VPS16: variants seen among roughly 807,000 people sequenced by gnomAD.
VPS16 encodes the protein VPS16 core subunit of CORVET and HOPS complexes.
VPS16 carries 82 observed loss-of-function variants against 116.0 expected under a neutral mutation model. The observed-to-expected ratio is 0.71, with a 90% CI of 0.59 to 0.85. The LOEUF (loss-of-function observed/expected upper bound fraction) is 0.85, where lower values mean the gene tolerates loss of function less well. Ranked by LOEUF, VPS16 falls within the 40% of genes least tolerant of loss-of-function variation. The probability of loss-of-function intolerance (pLI) is 0.00; values close to 1 mark genes in which losing one functional copy is unlikely to be tolerated. For synonymous variants in VPS16, 406 were observed against 420.7 expected, an observed-to-expected ratio of 0.96 and a Z score of 0.43; for missense variants, 928 against 1,090.6, an observed-to-expected ratio of 0.85 and a Z score of 2.10.
Position 2,863,843 on chromosome 20 carries a change from G to A in VPS16, c.1477-106G>A. ...AAAGAGAGAAAGAAAGAAAGAAGAA[G>A]GAAGGGAGGGAGGAAGGGAACTGAA... is the stretch of plus-strand genomic sequence containing the variant. On this transcript the variant is annotated intron_variant, in intron 15 of 23. Coordinates refer to ENST00000380445, the MANE Select transcript of VPS16 (RefSeq NM_022575.4). The surrounding 1 kb of genome is among the most constrained non-coding windows in gnomAD (Gnocchi z 4.4). 2 of 1,307,058 alleles carry A rather than the reference G, an allele frequency of 1.5e-6. No homozygotes were observed. The highest frequency in any genetic ancestry group is 2.1e-6 in the Non-Finnish European group (2 of 957,484). 81.0% of individuals were successfully genotyped at this position (1,307,058 alleles called of 1,614,324 possible).
At chr20:2,854,960 A>ATTTTT (rs547295825) in intron 1 of VPS16, among the ~76,000 whole-genome samples, 4,115 of 109,996 alleles carry the variant, frequency 0.037, 494 homozygotes, top group African/African-American at 0.1. Context: ...ATGAGCAGTA[A>ATTTTT]TTTTTTTTTT....
intron 1 of VPS16, among the ~76,000 whole-genome samples, chr20:2,856,980 CTTTTT>C (rs3053469): frequency 8.1e-4 from 115 of 142,182 alleles, no homozygotes; most frequent in African/African-American, 2.6e-3. Flanking sequence ...TTTTCTTTTT[CTTTTT>C]TTTTTTTTTT....
chr20:2,863,366 A>T lies in VPS16; in HGVS notation c.1444A>T (p.Ser482Cys), dbSNP rs763320681. The stretch of plus-strand genomic sequence containing the variant: ...GCGCCTTCCTGAAGTACAGGGCGTC[A>T]GCAGGATCCTGGCCCACTGGGCCTG... ...YLRLPEVQGVSRILAHWACYK... is the reference protein window; with the variant it reads ...YLRLPEVQGVCRILAHWACYK... Residue 482 changes from serine (S) to cysteine (C), a missense_variant, in exon 15 of 24, where the codon AGC becomes TGC. Ser to Cys is a moderately radical substitution (Grantham distance 112). Transcript: ENST00000380445. This position sits in a 1 kb window ranked among gnomAD's most constrained non-coding sequence, Gnocchi z 4.4. The T allele has an allele frequency of 6.2e-7, 1 of 1,614,234 alleles. No homozygotes were observed. Among genetic ancestry groups the T allele is most frequent in the Non-Finnish European group, 8.5e-7 (1 of 1,180,028 alleles).
chr20:2,854,960 A>ATTTTTG (rs2089158340), intron 1 of VPS16, among the ~76,000 whole-genome samples: 1 of 110,126 alleles, frequency 9.1e-6, no homozygotes, highest in Non-Finnish European at 1.7e-5. Context: ...ATGAGCAGTA[A>ATTTTTG]TTTTTTTTTT....
At position 2,865,868 on chromosome 20, in the gene VPS16, G is replaced by A; in HGVS notation, c.2272-344G>A. On this transcript the variant is annotated intron_variant, in intron 22 of 23. Transcript: ENST00000380445. The surrounding 1 kb of genome is among the most constrained non-coding windows in gnomAD (Gnocchi z 5.2). ...TGTTTTCTGTGGTGGGTAGTTCAGA[G>A]GTGTATAGGGCAGGTTTGAGAATGT... 2.2e-6 allele frequency: 1 copy of A among 462,924 alleles called. No individual in the cohort carries two copies. Among genetic ancestry groups the A allele is most frequent in the Middle Eastern group, 6.1e-4 (1 of 1,632 alleles). 28.7% of individuals were successfully genotyped at this position (462,924 alleles called of 1,614,324 possible).
Position 2,864,879 on chromosome 20 carries a change from G to A in VPS16, c.1927-99G>A, listed in dbSNP as rs768846391. The A allele has an allele frequency of 9.5e-5, 145 of 1,532,602 alleles. No individual in the cohort carries two copies. The highest frequency in any genetic ancestry group is 1.2e-4 in the Non-Finnish European group (137 of 1,112,546). The allele number at this position is 1,532,602 out of a possible 1,614,324, so 94.9% of individuals were successfully genotyped here. On this transcript the variant is annotated intron_variant, in intron 19 of 23. Coordinates refer to ENST00000380445, the MANE Select transcript of VPS16 (RefSeq NM_022575.4). The surrounding 1 kb of genome is among the most constrained non-coding windows in gnomAD (Gnocchi z 5.2). Reference sequence around the variant, plus strand: ...CCTAGCAGGCAAGGCTGACCCTGGCGACCCTGGGCACAGGGATGGGGGAGA... The same window carrying A: ...CCTAGCAGGCAAGGCTGACCCTGGCAACCCTGGGCACAGGGATGGGGGAGA...
rs1474052500 is a variant in VPS16 at position 2,866,608 on chromosome 20, C to CCT, written c.*36_*37dup. Reference sequence around the variant, plus strand: ...TCCTGTACATCTCAAGCAAGGGGTTCCTCCCCTAGCACCTGGGCTTGGCAG... The same window carrying CCT: ...TCCTGTACATCTCAAGCAAGGGGTTCCTCTCCCCTAGCACCTGGGCTTGGCAG... On this transcript the variant is annotated 3_prime_UTR_variant, in exon 24 of 24. Coordinates refer to ENST00000380445, the MANE Select transcript of VPS16 (RefSeq NM_022575.4). 6 of 1,610,688 alleles carry CCT rather than the reference C, an allele frequency of 3.7e-6. No homozygotes were observed. Among genetic ancestry groups the CCT allele is most frequent in the Non-Finnish European group, 5.1e-6 (6 of 1,178,390 alleles).
In VPS16 at chr20:2,861,286, GA is replaced by G. The variant is rs994801577; in HGVS notation, c.809+7del. 1.9e-6 allele frequency: 3 copies of G among 1,613,968 alleles called. No homozygotes were observed. Among genetic ancestry groups the G allele is most frequent in the Non-Finnish European group, 2.5e-6 (3 of 1,180,040 alleles). ...CCTCCAAAGCAGATGGTCTGGTAAGGATGGGGGTGTTATTGCTGGGGGTGTG... is the reference window on the plus strand; with the variant it reads ...CCTCCAAAGCAGATGGTCTGGTAAGGTGGGGGTGTTATTGCTGGGGGTGTG... On this transcript the variant is annotated splice_region_variant and intron_variant, in intron 8 of 23. Coordinates refer to ENST00000380445, the MANE Select transcript of VPS16 (RefSeq NM_022575.4).
Position 2,860,993 on chromosome 20 carries a change from A to C in VPS16, c.654A>C (p.Gly218=). 6.2e-7 allele frequency: 1 copy of C among 1,614,180 alleles called. No homozygotes were observed. The highest frequency in any genetic ancestry group is 1.1e-5 in the South Asian group (1 of 91,088). ...AGACGCCCCCTGGCCTGGCCCCAGG[A>C]GTAAGCAGCTTCCTACAGATGGCTG... ...SAVTPPGLAP[G]VSSFLQMAVS... is the part of the protein sequence containing the mutation. Residue 218 remains glycine (G), a synonymous_variant, in exon 7 of 24, where the codon GGA becomes GGC. Coordinates refer to ENST00000380445, the MANE Select transcript of VPS16 (RefSeq NM_022575.4). The surrounding 1 kb of genome is among the most constrained non-coding windows in gnomAD (Gnocchi z 6.1).
chr20:2,864,664 C>T lies in VPS16; in HGVS notation c.1926+10C>T. ...CTATGCTGCAGAAGAGGTCTGAGAT[C>T]CATGGGGCGTGTGGGGCGTGTGGGG... On this transcript the variant is annotated intron_variant, in intron 19 of 23. Coordinates refer to ENST00000380445, the MANE Select transcript of VPS16 (RefSeq NM_022575.4). This position sits in a 1 kb window ranked among gnomAD's most constrained non-coding sequence, Gnocchi z 5.2. 1 of 1,613,534 alleles carries T rather than the reference C, an allele frequency of 6.2e-7. No individual in the cohort carries two copies. The highest frequency in any genetic ancestry group is 1.1e-5 in the South Asian group (1 of 91,072).
intron 12 of VPS16, 29 bp downstream of exon 12, chr20:2,862,739 G>GTGGGGC: frequency 6.2e-7 from 1 of 1,610,748 alleles, no homozygotes; most frequent in African/African-American, 1.3e-5. Flanking sequence ...GCCGGGGAGG[G>GTGGGGC]TGGGGCTGGG....
rs181158588 is a variant in VPS16, at chr20:2,856,926, C to G, written c.54-2793C>G. Reference sequence around the variant, plus strand: ...TGTTCTTAAATATTTTGTGGTATTTCCTCTTTCAGATGATCTTTTTCCCCT... The same window carrying G: ...TGTTCTTAAATATTTTGTGGTATTTGCTCTTTCAGATGATCTTTTTCCCCT... On this transcript the variant is annotated intron_variant, in intron 1 of 23. Coordinates refer to ENST00000380445, the MANE Select transcript of VPS16 (RefSeq NM_022575.4). Among the ~76,000 whole-genome samples, 244 of 151,634 alleles carry G rather than the reference C, an allele frequency of 1.6e-3. 1 individual carries two copies. The highest frequency in any genetic ancestry group is 5.5e-3 in the African/African-American group (229 of 41,410).
In VPS16 at chr20:2,862,802, C is replaced by G; in HGVS notation, c.1204-5C>G. On this transcript the variant is annotated splice_polypyrimidine_tract_variant and splice_region_variant and intron_variant, in intron 12 of 23. Coordinates refer to ENST00000380445, the MANE Select transcript of VPS16 (RefSeq NM_022575.4). ...TCTCTCCTATCGCCCTCTGGCTCTTCTCAGGCCGCCTCCTTCGGAAAGTGT... is the reference window on the plus strand; with the variant it reads ...TCTCTCCTATCGCCCTCTGGCTCTTGTCAGGCCGCCTCCTTCGGAAAGTGT... 6.2e-7 allele frequency: 1 copy of G among 1,613,918 alleles called. No individual in the cohort carries two copies. The highest frequency in any genetic ancestry group is 8.5e-7 in the Non-Finnish European group (1 of 1,180,010).
Position 2,860,637 on chromosome 20 carries a change from T to G in VPS16, c.514+44T>G. 1.2e-6 allele frequency: 2 copies of G among 1,611,812 alleles called. No homozygotes were observed. Among genetic ancestry groups the G allele is most frequent in the South Asian group, 2.2e-5 (2 of 91,074 alleles). ...GAGATAGCCAAGCAGTACCCACAGATGTGCCTCTAGCCTGTGAGACCCATA... is the reference window on the plus strand; with the variant it reads ...GAGATAGCCAAGCAGTACCCACAGAGGTGCCTCTAGCCTGTGAGACCCATA... On this transcript the variant is annotated intron_variant, in intron 5 of 23. Transcript: ENST00000380445. This position sits in a 1 kb window ranked among gnomAD's most constrained non-coding sequence, Gnocchi z 6.1.
At position 2,866,272 on chromosome 20, in the gene VPS16, C is replaced by T. The variant is rs746874334; in HGVS notation, c.2332C>T (p.Arg778Cys). 6 of 1,614,088 alleles carry T rather than the reference C, an allele frequency of 3.7e-6. No individual in the cohort carries two copies. Among genetic ancestry groups the T allele is most frequent in the South Asian group, 2.2e-5 (2 of 91,070 alleles). The change falls in exon 23 of 24, where the codon CGC becomes TGC. Residue 778 changes from arginine to cysteine, a missense_variant. Physicochemically the swap from Arg to Cys is radical, Grantham distance 180 (BLOSUM62 -3). Coordinates refer to ENST00000380445, the MANE Select transcript of VPS16 (RefSeq NM_022575.4). ...NKYEAKKYAS[R>C]VGPEQKVKAL... ...ATACGAAGCCAAGAAGTATGCTTCC[C>T]GCGTGGGTCCCGAGCAGAAGGTCAA...
intron 1 of VPS16, 70 bp downstream of exon 1, chr20:2,840,897 G>A: frequency 7.0e-7 from 1 of 1,428,018 alleles, no homozygotes; most frequent in Non-Finnish European, 9.4e-7. Context: ...GTCTCCCGGC[G>A]GCGTTCGCCC....
At chr20:2,849,351 A>G (rs529215192) in intron 1 of VPS16, among the ~76,000 whole-genome samples, 1 of 139,104 alleles carries the variant, frequency 7.2e-6, no homozygotes, top group Non-Finnish European at 1.5e-5. Flanking sequence ...TCCAGACTGT[A>G]GTGCAATGGC....
At chr20:2,850,913 C>T (rs917666801) in intron 1 of VPS16, among the ~76,000 whole-genome samples, 1 of 135,054 alleles carries the variant, frequency 7.4e-6, no homozygotes, top group African/African-American at 2.9e-5. Context: ...GTCATGGCTA[C>T]AGTGAGCCAA....
intron 1 of VPS16, among the ~76,000 whole-genome samples, chr20:2,858,572 A>G (rs2089197529): frequency 6.6e-6 from 1 of 152,084 alleles, no homozygotes; most frequent in Non-Finnish European, 1.5e-5. Flanking sequence ...CCTGATCATT[A>G]ATGAGAAGGT....
Sources: gnomAD v4.1 joint callset for allele counts (sites outside exome capture counted in the v4.1 genomes callset) on GRCh38, gnomAD v4.1.1 for gene constraint, Gnocchi (gnomAD v3.1) non-coding constraint, MANE v1.5 for transcripts, NCBI Gene and HGNC (gene_info 2026-07-23, HGNC 2026-07-21) for gene names.